GPHN: variants seen among roughly 807,000 people sequenced by gnomAD.
The protein encoded by GPHN is gephyrin.
A neutral mutation model predicts 95.5 loss-of-function variants in GPHN; 17 were observed. The observed-to-expected ratio is 0.18, with a 90% CI of 0.12 to 0.27. GPHN has a LOEUF of 0.27. Ranked by LOEUF, GPHN falls within the 10% of genes least tolerant of loss-of-function variation. GPHN has a pLI of 1.00. For missense variants in GPHN, 660 were observed against 978.1 expected (o/e 0.67, Z 4.34); for synonymous variants, 320 against 322.5 (o/e 0.99, Z 0.08).
chr14:67,090,486 A>G (rs756015115), intron 12 of GPHN, among the ~76,000 whole-genome samples: 9 of 152,120 alleles, frequency 5.9e-5, no homozygotes, highest in Non-Finnish European at 1.3e-4. Flanking sequence ...TGTATAGGAT[A>G]TATATGAAAC....
the GPHN span, among the ~76,000 whole-genome samples, chr14:67,301,132 G>A: frequency 6.6e-6 from 1 of 151,838 alleles, no homozygotes; most frequent in East Asian, 1.9e-4. Context: ...TGGTATGTTG[G>A]GTGAAACGTT....
intron 2 of GPHN, among the ~76,000 whole-genome samples, chr14:66,703,287 A>T (rs1243127030): frequency 1.3e-5 from 2 of 152,152 alleles, no homozygotes; most frequent in African/African-American, 4.8e-5. Context: ...AAATTCAGGA[A>T]ATACAGAGAA....
the GPHN span, among the ~76,000 whole-genome samples, chr14:67,428,046 T>C: frequency 1.3e-5 from 2 of 151,740 alleles, no homozygotes; most frequent in Non-Finnish European, 2.9e-5. Context: ...CTCAGCCTCC[T>C]GAGTAGCTGG....
At chr14:67,397,242 A>G in the GPHN span, among the ~76,000 whole-genome samples, 2 of 152,106 alleles carry the variant, frequency 1.3e-5, no homozygotes, top group Non-Finnish European at 2.9e-5. Flanking sequence ...CCCAGCCTAG[A>G]CTTTTTTAAT....
chr14:66,912,483 A>C (rs2065719557), intron 5 of GPHN, among the ~76,000 whole-genome samples: 1 of 152,190 alleles, frequency 6.6e-6, no homozygotes, highest in South Asian at 2.1e-4. Context: ...AAACAAAAAC[A>C]ATGCGCTATG....
At chr14:67,481,288 A>T in the GPHN span, among the ~76,000 whole-genome samples, 1 of 152,184 alleles carries the variant, frequency 6.6e-6, no homozygotes, top group African/African-American at 2.4e-5. Flanking sequence ...TCTCTTAAAA[A>T]AGAAAGAAAG....
chr14:67,387,317 C>T, the GPHN span: 2 of 1,606,666 alleles, frequency 1.2e-6, no homozygotes, highest in Admixed American at 1.7e-5. Flanking sequence ...TCCTGGTTCC[C>T]TCAGGTCCTT....
intron 4 of GPHN, among the ~76,000 whole-genome samples, chr14:66,879,609 A>ATAT (rs2063833198): frequency 1.3e-5 from 2 of 152,126 alleles, no homozygotes; most frequent in Non-Finnish European, 2.9e-5. Flanking sequence ...ACCTGGTGAG[A>ATAT]AATCTACTAA....
chr14:67,418,824 C>T, the GPHN span, among the ~76,000 whole-genome samples: 1 of 152,186 alleles, frequency 6.6e-6, no homozygotes, highest in Non-Finnish European at 1.5e-5. Context: ...GGTGGGTGCC[C>T]TCTCCCTGTC....
chr14:67,267,378 C>G, the GPHN span, among the ~76,000 whole-genome samples: 1 of 152,044 alleles, frequency 6.6e-6, no homozygotes, highest in South Asian at 2.1e-4. Flanking sequence ...CCTGCCTCCC[C>G]CTCCCAAGTA....
chr14:67,718,252 C>G, the GPHN span, among the ~76,000 whole-genome samples: 1 of 152,160 alleles, frequency 6.6e-6, no homozygotes, highest in African/African-American at 2.4e-5. Flanking sequence ...CATCTCCCAC[C>G]TGTCTCATCT....
the GPHN span, chr14:67,336,735 C>T: frequency 4.4e-6 from 2 of 455,874 alleles, 1 homozygote; most frequent in South Asian, 3.1e-5. Context: ...TACAGTTCAG[C>T]AGGCTGTTGG....
At chr14:66,820,393 T>C (rs2061143632) in intron 3 of GPHN, among the ~76,000 whole-genome samples, 1 of 152,148 alleles carries the variant, frequency 6.6e-6, no homozygotes. Context: ...TGGAATACTC[T>C]GCTCTTCTGA....
At chr14:67,501,342 C>T in the GPHN span, among the ~76,000 whole-genome samples, 2 of 151,976 alleles carry the variant, frequency 1.3e-5, no homozygotes, top group African/African-American at 4.8e-5. Flanking sequence ...ATTTAGTAAT[C>T]AAGATAAACG....
chr14:66,640,369 C>T (rs2064327510), intron 1 of GPHN, among the ~76,000 whole-genome samples: 1 of 152,110 alleles, frequency 6.6e-6, no homozygotes, highest in African/African-American at 2.4e-5. Context: ...TTGCAGTGAG[C>T]CAAGACTGCA....
At chr14:66,680,631 C>T (rs1043556547) in intron 1 of GPHN, among the ~76,000 whole-genome samples, 1 of 152,148 alleles carries the variant, frequency 6.6e-6, no homozygotes, top group Non-Finnish European at 1.5e-5. Flanking sequence ...CAAATCCTTC[C>T]AGAAATTAAA....
At chr14:67,549,919 AC>A in the GPHN span, among the ~76,000 whole-genome samples, 2 of 152,184 alleles carry the variant, frequency 1.3e-5, no homozygotes. Context: ...TGTGATTCTT[AC>A]GCCCTTGAAA....
chr14:66,592,468 AAAC>A lies in GPHN; in HGVS notation c.64+83878_64+83880del, dbSNP rs1555354570. On this transcript the variant is annotated intron_variant, in intron 1 of 22. Transcript: ENST00000478722. ...AAACAAATATACAAGAAAAAAAAAA[AAAC>A]CCCGTCAAGAAGTGGGCGAAGGATA... 5.0e-3 allele frequency among the ~76,000 whole-genome samples: 657 copies of A among 131,284 alleles called. 16 individuals carry two copies. Among genetic ancestry groups the A allele is most frequent in the African/African-American group, 0.023 (599 of 26,558 alleles). 86.1% of individuals were successfully genotyped at this position (131,284 alleles called of 152,430 possible).
the GPHN span, among the ~76,000 whole-genome samples, chr14:67,500,853 G>C: frequency 2.0e-5 from 3 of 151,956 alleles, no homozygotes; most frequent in African/African-American, 7.2e-5. Context: ...TTACAGGCAT[G>C]AGCCACCGCG....
Sources: allele counts gnomAD v4.1 joint callset (sites outside exome capture counted in the v4.1 genomes callset), GRCh38; gene constraint gnomAD v4.1.1; transcripts MANE v1.5; gene names NCBI Gene and HGNC (gene_info 2026-07-23, HGNC 2026-07-21).